Variants in RHOBTB1 observed in about 807,000 individuals in gnomAD.
RHOBTB1 encodes the protein rho-related BTB domain-containing protein 1.
Under a neutral mutation model 71.6 loss-of-function variants are expected in RHOBTB1, and 40 were observed. That is an observed-to-expected ratio of 0.56 (90% confidence interval 0.43 to 0.73). The LOEUF (loss-of-function observed/expected upper bound fraction) is 0.73, where lower values mean the gene tolerates loss of function less well. RHOBTB1 is among the 30% of genes least tolerant of loss of function. The pLI is 0.00. For synonymous variants in RHOBTB1, 319 were observed against 334.9 expected, an observed-to-expected ratio of 0.95 and a Z score of 0.52; for missense variants, 797 against 894.0, an observed-to-expected ratio of 0.89 and a Z score of 1.38.
At chr10:60,954,212 G>GCAAGT (rs1490544463) in intron 2 of RHOBTB1, among the ~76,000 whole-genome samples, 2 of 152,282 alleles carry the variant, frequency 1.3e-5, no homozygotes, top group East Asian at 3.9e-4. Context: ...ATTTCCTTGG[G>GCAAGT]CAAGTCAAGT....
intron 2 of RHOBTB1, among the ~76,000 whole-genome samples, chr10:60,912,193 A>G (rs184206170): frequency 3.0e-4 from 45 of 152,020 alleles, no homozygotes; most frequent in African/African-American, 9.2e-4. Context: ...ATAAATATAT[A>G]TGTGTGTGTG....
downstream of RHOBTB1, among the ~76,000 whole-genome samples, chr10:60,865,472 A>G (rs2080632535): frequency 6.6e-6 from 1 of 152,246 alleles, no homozygotes; most frequent in African/African-American, 2.4e-5. Flanking sequence ...AAAAACAGGC[A>G]TCTTAGTATT....
At position 60,888,399 on chromosome 10, in the gene RHOBTB1, C is replaced by T. The variant is rs2081706336; in HGVS notation, c.1269G>A (p.Leu423=). Residue 423 remains leucine (L), a synonymous_variant, in exon 6 of 11, where the codon CTG becomes CTA. Transcript: ENST00000337910. ...TLLQFLYTGQ[L]DEKEKDLVGL... is the part of the protein sequence containing the mutation. ...CCACCAAATCCTTTTCCTTTTCATC[C>T]AGTTGTCCCGTATAAAGAAACTGGA... is the stretch of plus-strand genomic sequence containing the variant. 6.2e-7 allele frequency: 1 copy of T among 1,614,154 alleles called. No individual in the cohort carries two copies. Among genetic ancestry groups the T allele is most frequent in the African/African-American group, 1.3e-5 (1 of 75,046 alleles).
chr10:61,001,687 T>C (rs2087284323), upstream of RHOBTB1, among the ~76,000 whole-genome samples: 2 of 151,720 alleles, frequency 1.3e-5, no homozygotes, highest in African/African-American at 4.8e-5. Context: ...GCCTAGGCGG[T>C]CCCGGGAGCC....
intron 4 of RHOBTB1, among the ~76,000 whole-genome samples, chr10:60,894,522 C>G (rs551991310): frequency 2.0e-5 from 3 of 152,266 alleles, no homozygotes; most frequent in African/African-American, 7.2e-5. Flanking sequence ...TGCGCTCAGT[C>G]TTACTTACAA....
At chr10:60,931,021 A>G (rs542311275) in intron 2 of RHOBTB1, among the ~76,000 whole-genome samples, 7 of 151,628 alleles carry the variant, frequency 4.6e-5, no homozygotes, top group African/African-American at 9.7e-5. Context: ...CTCTGCAACA[A>G]CAATACATGA....
At chr10:60,980,953 G>A (rs2086475704) in intron 2 of RHOBTB1, among the ~76,000 whole-genome samples, 1 of 152,106 alleles carries the variant, frequency 6.6e-6, no homozygotes, top group African/African-American at 2.4e-5. Context: ...TAATTAGGTG[G>A]CTAATTAAAA....
chr10:60,873,236 G>C (rs1410132495), intron 9 of RHOBTB1, among the ~76,000 whole-genome samples: 5 of 152,152 alleles, frequency 3.3e-5, no homozygotes, highest in South Asian at 4.1e-4. Flanking sequence ...CTGCCAGGTG[G>C]GTTTGTTCCA....
chr10:60,952,418 G>A lies in RHOBTB1; in HGVS notation c.-61-10564C>T, dbSNP rs1357349691. ...AGCACTTAGTAAGTACCCACTATGT[G>A]TTGGGCATGAAGCCAAATGCTTTTA... On this transcript the variant is annotated intron_variant, in intron 2 of 11. Transcript: ENST00000357917. Among the ~76,000 whole-genome samples the A allele has an allele frequency of 3.9e-5, 6 of 152,298 alleles. No individual in the cohort carries two copies. The East Asian group carries it at 9.7e-4, about 25-fold the overall frequency.
chr10:60,900,298 T>C (rs997639355), intron 4 of RHOBTB1, among the ~76,000 whole-genome samples: 1 of 152,072 alleles, frequency 6.6e-6, no homozygotes, highest in Non-Finnish European at 1.5e-5. Context: ...GAGAGGATGG[T>C]GACTCTGCTG....
chr10:60,888,181 T>C (rs1355920844), intron 6 of RHOBTB1, 31 bp downstream of exon 6: 1 of 1,590,822 alleles, frequency 6.3e-7, no homozygotes, highest in Non-Finnish European at 8.6e-7. Context: ...CAATCAAAGG[T>C]ATTAATGGCT....
chr10:60,884,614 A>C (rs2081481784), intron 7 of RHOBTB1, among the ~76,000 whole-genome samples: 1 of 152,210 alleles, frequency 6.6e-6, no homozygotes, highest in Admixed American at 6.5e-5. Flanking sequence ...GATGAATAAG[A>C]AAATGTGGTA....
intron 2 of RHOBTB1, among the ~76,000 whole-genome samples, chr10:60,968,963 G>A (rs192323880): frequency 3.9e-4 from 60 of 152,178 alleles, no homozygotes; most frequent in East Asian, 1.2e-3. Flanking sequence ...GCTGATGCCC[G>A]TGTTCTTGTT....
chr10:60,984,041 T>C lies in RHOBTB1; in HGVS notation c.-62+1804A>G, dbSNP rs141618901. ...CCTGAAAACTATACCACTTAAAATC[T>C]CTCTAACTTTCTGAATTGTTGTACT... On this transcript the variant is annotated intron_variant, in intron 2 of 11. Transcript: ENST00000357917. Among the ~76,000 whole-genome samples the C allele has an allele frequency of 2.2e-3, 338 of 152,328 alleles. 2 individuals carry two copies. The highest frequency in any genetic ancestry group is 7.0e-3 in the African/African-American group (289 of 41,570).
chr10:60,931,206 C>A (rs751624760), intron 2 of RHOBTB1, among the ~76,000 whole-genome samples: 1 of 152,152 alleles, frequency 6.6e-6, no homozygotes, highest in Non-Finnish European at 1.5e-5. Flanking sequence ...CTACACATCT[C>A]ATTCTTTTAA....
At chr10:60,911,226 G>T in intron 3 of RHOBTB1, 125 bp downstream of exon 3, 1 of 987,190 alleles carries the variant, frequency 1.0e-6, no homozygotes, top group Non-Finnish European at 1.5e-6. Context: ...TTTCTCTCGT[G>T]GCACTAAAAA....
At chr10:60,866,040 C>A (rs1187022153), downstream of RHOBTB1, among the ~76,000 whole-genome samples, 1 of 152,150 alleles carries the variant, frequency 6.6e-6, no homozygotes, top group East Asian at 1.9e-4. Flanking sequence ...CCATGTTGGC[C>A]AGGCTGGTCT....
chr10:60,927,504 A>G (rs1295616375), intron 2 of RHOBTB1, among the ~76,000 whole-genome samples: 3 of 152,234 alleles, frequency 2.0e-5, no homozygotes, highest in Non-Finnish European at 4.4e-5. Flanking sequence ...TGGGACAGTC[A>G]TAAAAACAGA....
chr10:60,921,386 C>T (rs1019990570), intron 2 of RHOBTB1, among the ~76,000 whole-genome samples: 2 of 152,186 alleles, frequency 1.3e-5, no homozygotes, highest in Non-Finnish European at 2.9e-5. Flanking sequence ...GATGGTGCCT[C>T]TGACAGGCAG....
Sources: allele counts gnomAD v4.1 joint callset (sites outside exome capture counted in the v4.1 genomes callset), GRCh38; gene constraint gnomAD v4.1.1; transcripts MANE v1.5; gene names NCBI Gene and HGNC (gene_info 2026-07-23, HGNC 2026-07-21).